FAM171B: variants seen among roughly 807,000 people sequenced by gnomAD.
FAM171B encodes protein FAM171B.
A neutral mutation model predicts 75.6 loss-of-function variants in FAM171B; 19 were observed. The observed-to-expected ratio is 0.25, with a 90% CI of 0.18 to 0.37. The LOEUF (loss-of-function observed/expected upper bound fraction) is 0.37. FAM171B is among the 10% of genes least tolerant of loss of function. The pLI, the probability that FAM171B is intolerant of heterozygous loss-of-function variation, is 1.00. For missense variants in FAM171B, 848 were observed against 982.4 expected, an observed-to-expected ratio of 0.86 and a Z score of 1.83; for synonymous variants, 367 against 361.7, an observed-to-expected ratio of 1.01 and a Z score of -0.17.
intron 1 of FAM171B, among the ~76,000 whole-genome samples, chr2:186,726,008 T>C (rs542139444): frequency 6.6e-6 from 1 of 152,344 alleles, no homozygotes; most frequent in South Asian, 2.1e-4. Flanking sequence ...TCATTTGTTC[T>C]CTGTTGAGTT....
rs181761114 is a variant in FAM171B at position 186,762,750 on chromosome 2, C to T, written c.2408C>T (p.Pro803Leu). 6.2e-7 allele frequency: 1 copy of T among 1,613,264 alleles called. No homozygotes were observed. The highest frequency in any genetic ancestry group is 8.5e-7 in the Non-Finnish European group (1 of 1,179,592). The change falls in exon 8 of 8, where the codon CCA (proline) becomes CTA (leucine). Residue 803 changes from proline to leucine, a missense_variant. Physicochemically the swap from Pro to Leu is moderately conservative, Grantham distance 98 (BLOSUM62 -3). Around this residue, in one of 3 missense-constraint regions of FAM171B, gnomAD observed 136 missense variants for 159.3 expected, o/e 0.85. Transcript: ENST00000304698. This position sits in a 1 kb window ranked among gnomAD's most constrained non-coding sequence, Gnocchi z 4.0. ...TSPTKRRGRP[P>L]LAKRDSKTNI... ...CCCACTAAAAGAAGGGGCAGACCAC[C>T]ACTAGCCAAAAGAGATAGCAAGACT...
intron 1 of FAM171B, among the ~76,000 whole-genome samples, chr2:186,734,933 G>A (rs745401836): frequency 1.2e-4 from 18 of 152,216 alleles, no homozygotes; most frequent in Admixed American, 5.9e-4. Flanking sequence ...GGCTGGCACC[G>A]GGAGCAGGGA....
intron 1 of FAM171B, among the ~76,000 whole-genome samples, chr2:186,721,876 C>T (rs1329852352): frequency 6.7e-6 from 1 of 149,352 alleles, no homozygotes; most frequent in African/African-American, 2.5e-5. Context: ...TGATGTCTAA[C>T]TTAGTAGTCA....
intron 1 of FAM171B, among the ~76,000 whole-genome samples, chr2:186,718,016 T>G (rs1264890710): frequency 6.6e-6 from 1 of 152,176 alleles, no homozygotes; most frequent in East Asian, 1.9e-4. Flanking sequence ...TATTTATGTT[T>G]ACCTGGTTAT....
intron 1 of FAM171B, among the ~76,000 whole-genome samples, chr2:186,701,117 C>T (rs1272100785): frequency 1.3e-5 from 2 of 151,986 alleles, no homozygotes; most frequent in Non-Finnish European, 2.9e-5. Flanking sequence ...GACGGGGTTT[C>T]ACCATGTTGA....
chr2:186,757,242 A>G (rs1310823421), intron 6 of FAM171B, among the ~76,000 whole-genome samples: 1 of 152,096 alleles, frequency 6.6e-6, no homozygotes, highest in Non-Finnish European at 1.5e-5. Flanking sequence ...AACAAAAGAT[A>G]ATCCCAACAC....
chr2:186,746,374 C>T (rs1489510451), intron 3 of FAM171B, among the ~76,000 whole-genome samples: 1 of 152,184 alleles, frequency 6.6e-6, no homozygotes, highest in East Asian at 1.9e-4. Flanking sequence ...TCATCAGAGA[C>T]ACTTTTCTGT....
At chr2:186,698,671 C>T (rs1036204491) in intron 1 of FAM171B, among the ~76,000 whole-genome samples, 3 of 152,086 alleles carry the variant, frequency 2.0e-5, no homozygotes, top group African/African-American at 7.2e-5. Context: ...TTAAAATGTA[C>T]AATAAGTTAT....
intron 6 of FAM171B, among the ~76,000 whole-genome samples, chr2:186,756,469 GAGT>G (rs1690532216): frequency 6.6e-6 from 1 of 152,150 alleles, no homozygotes; most frequent in Non-Finnish European, 1.5e-5. Flanking sequence ...AATAACTGCA[GAGT>G]AGTAACTGGC....
At chr2:186,729,185 A>T (rs1004825551) in intron 1 of FAM171B, among the ~76,000 whole-genome samples, 10 of 152,270 alleles carry the variant, frequency 6.6e-5, no homozygotes, top group African/African-American at 2.4e-4. Flanking sequence ...TTTTCTCAAC[A>T]TTTAGATTAT....
At chr2:186,744,132 C>CCTAA (rs1690333148) in intron 3 of FAM171B, among the ~76,000 whole-genome samples, 1 of 152,198 alleles carries the variant, frequency 6.6e-6, no homozygotes, top group Non-Finnish European at 1.5e-5. Context: ...ATTGTTTCAT[C>CCTAA]CTAACTCCCC....
intron 1 of FAM171B, among the ~76,000 whole-genome samples, chr2:186,707,457 C>T (rs1201803372): frequency 6.6e-6 from 1 of 152,186 alleles, no homozygotes; most frequent in Non-Finnish European, 1.5e-5. Context: ...TATGTCCATT[C>T]TTGATGCTCT....
intron 1 of FAM171B, among the ~76,000 whole-genome samples, chr2:186,712,833 G>A (rs889403060): frequency 6.6e-6 from 1 of 152,018 alleles, no homozygotes; most frequent in Admixed American, 6.6e-5. Context: ...AAATGTCCTT[G>A]GATTCTGTCT....
intron 1 of FAM171B, among the ~76,000 whole-genome samples, chr2:186,704,257 A>G (rs1689703939): frequency 6.6e-6 from 1 of 152,172 alleles, no homozygotes; most frequent in Non-Finnish European, 1.5e-5. Context: ...TTTTTATAGT[A>G]TTGTATGAAA....
At position 186,762,717 on chromosome 2, in the gene FAM171B, A is replaced by G; in HGVS notation, c.2375A>G (p.Asn792Ser). ...RKSTVEDFEA[N>S]TSPTKRRGRP... ...AGCACTGTTGAAGATTTTGAAGCTA[A>G]TACATCCCCCACTAAAAGAAGGGGC... Residue 792 changes from asparagine (N) to serine (S), a missense_variant, in exon 8 of 8, where the codon AAT becomes AGT. By Grantham distance (46) the Asn-to-Ser change is conservative. Transcript: ENST00000304698. The surrounding 1 kb of genome is among the most constrained non-coding windows in gnomAD (Gnocchi z 4.0). The G allele has an allele frequency of 6.2e-7, 1 of 1,613,236 alleles. No individual in the cohort carries two copies. The highest frequency in any genetic ancestry group is 8.5e-7 in the Non-Finnish European group (1 of 1,179,596).
At chr2:186,739,105 CA>C (rs1407521127) in intron 1 of FAM171B, among the ~76,000 whole-genome samples, 2 of 152,096 alleles carry the variant, frequency 1.3e-5, no homozygotes, top group Non-Finnish European at 2.9e-5. Context: ...TCTAAGCGTA[CA>C]AAAGGCACAA....
intron 1 of FAM171B, among the ~76,000 whole-genome samples, chr2:186,730,711 G>A (rs1690102385): frequency 6.6e-6 from 1 of 152,054 alleles, no homozygotes; most frequent in Non-Finnish European, 1.5e-5. Context: ...ATCCATTCTG[G>A]ATTAGAAAAC....
intron 1 of FAM171B, among the ~76,000 whole-genome samples, chr2:186,733,413 A>C (rs1690148458): frequency 6.6e-6 from 1 of 152,160 alleles, no homozygotes; most frequent in Non-Finnish European, 1.5e-5. Flanking sequence ...AGTCTCCCCC[A>C]AGAATTTGGA....
chr2:186,716,766 C>G (rs1312364685), intron 1 of FAM171B, among the ~76,000 whole-genome samples: 1 of 152,160 alleles, frequency 6.6e-6, no homozygotes, highest in Admixed American at 6.6e-5. Context: ...AAGTTCCCCT[C>G]AAAAGCAGTT....
Sources: allele counts gnomAD v4.1 joint callset (sites outside exome capture counted in the v4.1 genomes callset), GRCh38; gene constraint gnomAD v4.1.1; regional missense constraint gnomAD v4.1.1; non-coding constraint Gnocchi (gnomAD v3.1); transcripts MANE v1.5; gene names NCBI Gene and HGNC (gene_info 2026-07-23, HGNC 2026-07-21).